The following RIMS2 variants were observed in gnomAD, a reference collection of about 807,000 sequenced individuals.
RIMS2 encodes regulating synaptic membrane exocytosis 2.
In RIMS2, 59 loss-of-function variants were observed where a neutral mutation model predicts 174.4. The observed-to-expected ratio is 0.34, with a 90% CI of 0.27 to 0.42. The LOEUF (loss-of-function observed/expected upper bound fraction) is 0.42, where lower values mean the gene tolerates loss of function less well. Ranked by LOEUF, RIMS2 falls within the 10% of genes least tolerant of loss-of-function variation. The probability of loss-of-function intolerance (pLI) is 1.00; values close to 1 mark genes in which losing one functional copy is unlikely to be tolerated. For synonymous variants in RIMS2, 606 were observed against 572.5 expected (o/e 1.06, Z -0.84); for missense variants, 1,620 against 1,666.3 (o/e 0.97, Z 0.48).
chr8:103,961,966 A>T (rs2090258495), intron 15 of RIMS2, among the ~76,000 whole-genome samples: 1 of 152,050 alleles, frequency 6.6e-6, no homozygotes, highest in African/African-American at 2.4e-5. Flanking sequence ...CTACAAAAAT[A>T]CTCTTCATGT....
chr8:103,775,847 G>A (rs2098310223), intron 3 of RIMS2, among the ~76,000 whole-genome samples: 1 of 152,084 alleles, frequency 6.6e-6, no homozygotes. Context: ...CATGGAATAT[G>A]TAACTTAAAT....
intron 2 of RIMS2, 101 bp downstream of exon 4, chr8:103,697,397 A>G: frequency 1.1e-6 from 1 of 948,588 alleles, no homozygotes; most frequent in East Asian, 2.4e-5. Flanking sequence ...TATTTTGTTG[A>G]AATTAGCAAA....
intron 19 of RIMS2, among the ~76,000 whole-genome samples, chr8:104,045,618 A>G (rs2096680299): frequency 6.6e-6 from 1 of 151,914 alleles, no homozygotes; most frequent in South Asian, 2.1e-4. Context: ...ACTCATAAGT[A>G]GATCTCAACA....
chr8:103,972,239 A>C (rs1005506864), intron 15 of RIMS2, among the ~76,000 whole-genome samples: 1 of 152,166 alleles, frequency 6.6e-6, no homozygotes, highest in Non-Finnish European at 1.5e-5. Flanking sequence ...CTTTTCCACC[A>C]AACCATGTCA....
chr8:103,568,622 A>G, intron 1 of RIMS2: 1 of 589,606 alleles, frequency 1.7e-6, no homozygotes, highest in Non-Finnish European at 3.3e-6. Flanking sequence ...GTGACTGTGC[A>G]ATATCAGCAA....
At chr8:103,824,939 C>G (rs556312391) in intron 3 of RIMS2, among the ~76,000 whole-genome samples, 59 of 152,302 alleles carry the variant, frequency 3.9e-4, no homozygotes, top group Admixed American at 1.2e-3. Flanking sequence ...GACTTTTCTG[C>G]TACACATTGT....
intron 19 of RIMS2, among the ~76,000 whole-genome samples, chr8:104,139,715 A>G (rs1373969421): frequency 2.0e-5 from 3 of 152,168 alleles, no homozygotes; most frequent in Admixed American, 2.0e-4. Context: ...AAACAAAGAT[A>G]ATTTGACTTC....
At chr8:103,649,003 G>A (rs538124177) in intron 1 of RIMS2, among the ~76,000 whole-genome samples, 4 of 152,192 alleles carry the variant, frequency 2.6e-5, no homozygotes, top group South Asian at 2.1e-4. Context: ...TGGTTATTTC[G>A]CATACTTGTT....
intron 1 of RIMS2, among the ~76,000 whole-genome samples, chr8:103,622,797 TG>T (rs765991160): frequency 5.3e-5 from 8 of 152,208 alleles, no homozygotes; most frequent in Non-Finnish European, 1.2e-4. Flanking sequence ...CCAGGGAAAC[TG>T]ATCTAGTCAC....
intron 2 of RIMS2, among the ~76,000 whole-genome samples, chr8:103,754,921 G>A (rs139674096): frequency 6.2e-4 from 94 of 152,096 alleles, no homozygotes; most frequent in African/African-American, 2.0e-3. Flanking sequence ...CCTTTAGCCC[G>A]TTTTACATTT....
intron 3 of RIMS2, among the ~76,000 whole-genome samples, chr8:103,804,651 G>A (rs923296986): frequency 6.6e-6 from 1 of 152,188 alleles, no homozygotes; most frequent in Admixed American, 6.5e-5. Context: ...AATATGTAGT[G>A]AATTGAGACA....
chr8:103,555,700 G>A (rs1196173475), intron 1 of RIMS2, among the ~76,000 whole-genome samples: 1 of 151,892 alleles, frequency 6.6e-6, no homozygotes, highest in Non-Finnish European at 1.5e-5. Flanking sequence ...GGGAGGCCAA[G>A]GTGGGAGGAT....
intron 12 of RIMS2, among the ~76,000 whole-genome samples, chr8:103,932,252 T>G (rs1176346141): frequency 6.6e-6 from 1 of 152,192 alleles, no homozygotes; most frequent in East Asian, 1.9e-4. Context: ...TATACGCTTT[T>G]GGAATCTCAT....
chr8:103,985,495 AAAAAAAAAG>A (rs2094288760), intron 16 of RIMS2, among the ~76,000 whole-genome samples: 1 of 150,446 alleles, frequency 6.6e-6, no homozygotes, highest in African/African-American at 2.4e-5. Flanking sequence ...AAAAAAAAAA[AAAAAAAAAG>A]AGTATAATTG....
chr8:103,581,841 G>C (rs556085724), intron 1 of RIMS2, among the ~76,000 whole-genome samples: 2 of 152,188 alleles, frequency 1.3e-5, no homozygotes, highest in African/African-American at 4.8e-5. Context: ...AACTTGAAAG[G>C]CAGTGTAGGC....
At chr8:103,652,801 A>G (rs1344982450) in intron 1 of RIMS2, 91 bp downstream of exon 3, 10 of 745,880 alleles carry the variant, frequency 1.3e-5, no homozygotes, top group Non-Finnish European at 2.0e-5. Flanking sequence ...TTGAAATAGT[A>G]TGCCCTCAGA....
chr8:104,022,775 A>G (rs2096137647), intron 19 of RIMS2, among the ~76,000 whole-genome samples: 1 of 152,150 alleles, frequency 6.6e-6, no homozygotes, highest in Admixed American at 6.6e-5. Flanking sequence ...TCAGTTATAA[A>G]TTTGTTTTTA....
At chr8:103,574,683 G>GTGGTACTT in intron 1 of RIMS2, among the ~76,000 whole-genome samples, 1 of 152,256 alleles carries the variant, frequency 6.6e-6, no homozygotes, top group African/African-American at 2.4e-5. Flanking sequence ...AGTGTTACGA[G>GTGGTACTT]TGGTACTTGG....
chr8:104,177,127 C>A (rs558533914), intron 19 of RIMS2, among the ~76,000 whole-genome samples: 2 of 152,126 alleles, frequency 1.3e-5, no homozygotes, highest in African/African-American at 4.8e-5. Context: ...AAGGAGGTAA[C>A]CACAGTTCTT....
Sources: gnomAD v4.1 joint callset for allele counts (sites outside exome capture counted in the v4.1 genomes callset) on GRCh38, gnomAD v4.1.1 for gene constraint, MANE v1.5 for transcripts, NCBI Gene and HGNC (gene_info 2026-07-23, HGNC 2026-07-21) for gene names.